DPH6: variants seen among roughly 807,000 people sequenced by gnomAD.
DPH6 encodes the protein diphthine--ammonia ligase.
In DPH6, 33 loss-of-function variants were observed where a neutral mutation model predicts 38.2. The observed-to-expected ratio is 0.86, with a 90% CI of 0.65 to 1.15. The LOEUF is 1.15. Among genes scored for constraint, DPH6 ranks in the 50% most tolerant of loss-of-function variants. The probability of loss-of-function intolerance (pLI) is 0.00; values close to 1 mark genes in which losing one functional copy is unlikely to be tolerated. For synonymous variants in DPH6, 108 were observed against 103.0 expected, an observed-to-expected ratio of 1.05 and a Z score of -0.30; for missense variants, 325 against 320.0, an observed-to-expected ratio of 1.02 and a Z score of -0.12.
At chr15:35,326,065 T>C (rs1307228654), downstream of DPH6, among the ~76,000 whole-genome samples, 1 of 152,086 alleles carries the variant, frequency 6.6e-6, no homozygotes, top group Non-Finnish European at 1.5e-5. Flanking sequence ...TTGACAAAGA[T>C]ATGGAACAAA....
At chr15:35,310,002 T>A (rs2052126791) in intron 3 of DPH6, among the ~76,000 whole-genome samples, 2 of 151,966 alleles carry the variant, frequency 1.3e-5, no homozygotes, top group Admixed American at 6.6e-5. Context: ...AGAAGAAAAC[T>A]TTTTTTTCCC....
chr15:35,227,486 C>A (rs1257359835), intron 3 of DPH6, among the ~76,000 whole-genome samples: 4 of 151,808 alleles, frequency 2.6e-5, no homozygotes, highest in Non-Finnish European at 4.4e-5. Context: ...CCTGGCCTAA[C>A]ATCTTCTTTT....
intron 3 of DPH6, chr15:35,238,210 G>C (rs1190271529): frequency 2.7e-5 from 11 of 406,854 alleles, no homozygotes; most frequent in Non-Finnish European, 4.8e-5. Flanking sequence ...AGGTGTACTG[G>C]GGGTTGCAGG....
intron 3 of DPH6, among the ~76,000 whole-genome samples, chr15:35,260,105 C>CTTTTA (rs1031193006): frequency 2.0e-5 from 3 of 152,016 alleles, no homozygotes; most frequent in East Asian, 3.9e-4. Flanking sequence ...TCAGGAGATT[C>CTTTTA]TTTTATTTTA....
intron 6 of DPH6, among the ~76,000 whole-genome samples, chr15:35,406,514 G>A (rs1184352163): frequency 6.6e-6 from 1 of 152,012 alleles, no homozygotes; most frequent in Non-Finnish European, 1.5e-5. Context: ...GGAGATACTT[G>A]TGCTAGATGA....
At chr15:35,213,660 T>C (rs1288813536), downstream of DPH6, among the ~76,000 whole-genome samples, 2 of 152,184 alleles carry the variant, frequency 1.3e-5, no homozygotes, top group Non-Finnish European at 2.9e-5. Flanking sequence ...TTAATATTTC[T>C]TGGCCTTGCT....
At chr15:35,156,936 C>A in the DPH6 span, among the ~76,000 whole-genome samples, 2 of 151,518 alleles carry the variant, frequency 1.3e-5, no homozygotes, top group Non-Finnish European at 2.9e-5. Context: ...GGAGGAAATG[C>A]TTCTTTGAAC....
intron 5 of DPH6, among the ~76,000 whole-genome samples, chr15:35,418,067 A>T (rs1290968691): frequency 6.6e-6 from 1 of 152,072 alleles, no homozygotes; most frequent in African/African-American, 2.4e-5. Flanking sequence ...TTCTTTTTTA[A>T]ATTTATTCAA....
At chr15:35,483,759 A>G (rs2054360121) in intron 3 of DPH6, among the ~76,000 whole-genome samples, 1 of 152,222 alleles carries the variant, frequency 6.6e-6, no homozygotes, top group Non-Finnish European at 1.5e-5. Context: ...GCAGCATTAC[A>G]CATACTAGCC....
At chr15:35,168,933 A>G in the DPH6 span, among the ~76,000 whole-genome samples, 1 of 152,090 alleles carries the variant, frequency 6.6e-6, no homozygotes, top group African/African-American at 2.4e-5. Flanking sequence ...GAGAATGTCC[A>G]GTTGAATTTC....
In DPH6 at chr15:35,371,872, G is replaced by A. The variant is rs1474829876; in HGVS notation, c.*278C>T. 1.7e-5 allele frequency: 19 copies of A among 1,099,030 alleles called. No homozygotes were observed. The South Asian group carries it at 5.4e-4, about 31-fold the overall frequency. 68.1% of individuals were successfully genotyped at this position (1,099,030 alleles called of 1,614,324 possible). ...AAAAAAGAAATGCTACAGAAATGGG[G>A]TTTATAGATGAAATAAAAGAAAAAA... On this transcript the variant is annotated 3_prime_UTR_variant, in exon 9 of 9. Transcript: ENST00000256538.
chr15:35,207,769 G>A, the DPH6 span, among the ~76,000 whole-genome samples: 3 of 152,106 alleles, frequency 2.0e-5, no homozygotes, highest in Non-Finnish European at 2.9e-5. Context: ...AGCTATAAAT[G>A]TATTTTCTTA....
At chr15:35,269,793 T>TC (rs1040447264) in intron 3 of DPH6, among the ~76,000 whole-genome samples, 6 of 145,430 alleles carry the variant, frequency 4.1e-5, no homozygotes, top group East Asian at 2.0e-4. Flanking sequence ...TGTGTTTCTT[T>TC]TTTTTTTTTT....
chr15:35,356,673 T>G lies in DPH6; in HGVS notation n.207+16848A>C, dbSNP rs576894693. ...TGTCTCAGAGGAGTACCTGGCCATG[T>G]GAGGTGTCAGTCTGCCCCTACTGTG... On this transcript the variant is annotated intron_variant and non_coding_transcript_variant, in intron 3 of 3. Transcript: ENST00000558973. Among the ~76,000 whole-genome samples the G allele has an allele frequency of 3.9e-5, 6 of 152,294 alleles. No individual in the cohort carries two copies. In the East Asian group the frequency reaches 7.7e-4, roughly 20 times the overall value.
intron 3 of DPH6, among the ~76,000 whole-genome samples, chr15:35,243,497 G>C (rs1045194868): frequency 3.1e-4 from 45 of 144,338 alleles, no homozygotes; most frequent in African/African-American, 1.1e-3. Context: ...AATCACAAAA[G>C]AAGTGAAAAG....
chr15:35,487,805 G>T (rs1259773998), intron 3 of DPH6, among the ~76,000 whole-genome samples: 1 of 152,148 alleles, frequency 6.6e-6, no homozygotes, highest in Non-Finnish European at 1.5e-5. Flanking sequence ...CTATCACATG[G>T]TGAGACTGCA....
At chr15:35,191,129 TG>T in the DPH6 span, among the ~76,000 whole-genome samples, 1 of 152,236 alleles carries the variant, frequency 6.6e-6, no homozygotes, top group Non-Finnish European at 1.5e-5. Flanking sequence ...CATCAATCAT[TG>T]TTTAATGAAG....
At chr15:35,370,526 G>C (rs2052702110), downstream of DPH6, among the ~76,000 whole-genome samples, 3 of 151,668 alleles carry the variant, frequency 2.0e-5, no homozygotes, top group African/African-American at 7.2e-5. Context: ...ATAGTCAAAA[G>C]ATCTGAAGAG....
At chr15:35,277,152 TTATG>T (rs1296325971) in intron 3 of DPH6, among the ~76,000 whole-genome samples, 1 of 152,196 alleles carries the variant, frequency 6.6e-6, no homozygotes, top group East Asian at 1.9e-4. Context: ...ACCTCCTTGA[TTATG>T]TATATTCCTA....
Sources: gnomAD v4.1 joint callset for allele counts (sites outside exome capture counted in the v4.1 genomes callset) on GRCh38, gnomAD v4.1.1 for gene constraint, MANE v1.5 for transcripts, NCBI Gene and HGNC (gene_info 2026-07-23, HGNC 2026-07-21) for gene names.